Variants in UNC79 observed in about 807,000 individuals in gnomAD.
UNC79 encodes unc-79 subunit of NALCN channel complex.
UNC79 carries 37 observed loss-of-function variants against 283.1 expected under a neutral mutation model. The ratio of observed to expected loss-of-function variants is 0.13; its 90% confidence interval spans 0.10 to 0.17. The LOEUF (loss-of-function observed/expected upper bound fraction) is 0.17. UNC79 is among the 10% of genes least tolerant of loss of function. The pLI is 1.00. For missense variants in UNC79, 2,272 were observed against 3,211.1 expected (o/e 0.71, Z 7.07); for synonymous variants, 1,107 against 1,200.2 (o/e 0.92, Z 1.61).
intron 7 of UNC79, among the ~76,000 whole-genome samples, chr14:93,504,675 A>G (rs1453594345): frequency 6.6e-6 from 1 of 152,054 alleles, no homozygotes. Flanking sequence ...TGTAGATGCA[A>G]TTAATTTTTA....
intron 14 of UNC79, among the ~76,000 whole-genome samples, chr14:93,558,181 C>T (rs1041831048): frequency 1.3e-5 from 2 of 152,198 alleles, no homozygotes; most frequent in Non-Finnish European, 2.9e-5. Flanking sequence ...GACAGAACAA[C>T]GCAGAACAAC....
intron 38 of UNC79, among the ~76,000 whole-genome samples, chr14:93,658,570 C>T (rs1402671791): frequency 1.3e-5 from 2 of 152,122 alleles, no homozygotes; most frequent in African/African-American, 4.8e-5. Context: ...TTAAAAAGTA[C>T]ATTTTGATGT....
At chr14:93,394,366 A>C (rs1382873425) in intron 1 of UNC79, among the ~76,000 whole-genome samples, 2 of 136,072 alleles carry the variant, frequency 1.5e-5, no homozygotes, top group South Asian at 2.3e-4. Context: ...ATTTTATTTT[A>C]TTTTATTTTA....
chr14:93,689,145 A>G, intron 44 of UNC79: 1 of 391,630 alleles, frequency 2.6e-6, no homozygotes, highest in Non-Finnish European at 4.5e-6. Context: ...AAGTAAATTA[A>G]TAGGTATGTA....
At chr14:93,460,203 CAAAAA>C (rs749082123) in intron 1 of UNC79, among the ~76,000 whole-genome samples, 3 of 33,864 alleles carry the variant, frequency 8.9e-5, no homozygotes, top group East Asian at 9.7e-4. Context: ...GATTCCGTCT[CAAAAA>C]AAAAAAAAAA....
chr14:93,366,169 G>A (rs1027292066), intron 1 of UNC79, among the ~76,000 whole-genome samples: 1 of 152,330 alleles, frequency 6.6e-6, no homozygotes, highest in East Asian at 1.9e-4. Context: ...AACTAAAGAT[G>A]TGCAAGGCCT....
chr14:93,411,955 G>A (rs563287789), intron 1 of UNC79, among the ~76,000 whole-genome samples: 1 of 152,270 alleles, frequency 6.6e-6, no homozygotes, highest in Admixed American at 6.5e-5. Flanking sequence ...AAGGCACCAG[G>A]GACCAGTCCT....
chr14:93,346,977 G>T (rs544736874), intron 1 of UNC79, among the ~76,000 whole-genome samples: 1 of 151,808 alleles, frequency 6.6e-6, no homozygotes, highest in South Asian at 2.1e-4. Flanking sequence ...GAGCAGGGGT[G>T]TGCTGGGTGG....
At chr14:93,592,161 C>T (rs1192468714) in intron 22 of UNC79, among the ~76,000 whole-genome samples, 2 of 147,000 alleles carry the variant, frequency 1.4e-5, no homozygotes, top group African/African-American at 5.0e-5. Flanking sequence ...ACATTCATTA[C>T]ATAACTTTTC....
At position 93,667,155 on chromosome 14, in the gene UNC79, GGAA is replaced by G. The variant is rs1489955084; in HGVS notation, c.6636+4445_6636+4447del. Among the ~76,000 whole-genome samples, 10 of 150,002 alleles carry G rather than the reference GGAA, an allele frequency of 6.7e-5. No individual in the cohort carries two copies. The Admixed American group carries it at 6.7e-4, about 10-fold the overall frequency. ...AGGAAGGAGAGAGAGAAGAAGGAAAGGAAGAAAGGAAGGAATGAAGGAGAGGGA... is the reference window on the plus strand; with the variant it reads ...AGGAAGGAGAGAGAGAAGAAGGAAAGGAAAGGAAGGAATGAAGGAGAGGGA... On this transcript the variant is annotated intron_variant, in intron 40 of 48. Coordinates refer to ENST00000555664, the Ensembl canonical transcript of UNC79.
intron 14 of UNC79, among the ~76,000 whole-genome samples, chr14:93,558,071 C>A (rs2062280307): frequency 6.6e-6 from 1 of 152,140 alleles, no homozygotes; most frequent in Non-Finnish European, 1.5e-5. Flanking sequence ...TTTCAGGGAC[C>A]CATAGCGAAG....
chr14:93,505,240 A>G (rs1163266758), intron 7 of UNC79, among the ~76,000 whole-genome samples: 1 of 152,062 alleles, frequency 6.6e-6, no homozygotes, highest in East Asian at 1.9e-4. Flanking sequence ...TCTATCTGTT[A>G]CCAAGAGCAG....
At chr14:93,404,786 T>C (rs186586339) in intron 1 of UNC79, among the ~76,000 whole-genome samples, 2 of 151,528 alleles carry the variant, frequency 1.3e-5, no homozygotes, top group African/African-American at 4.8e-5. Flanking sequence ...AAAATAAAAT[T>C]TGGCTATTTG....
chr14:93,432,560 C>T (rs1208172636), intron 1 of UNC79, among the ~76,000 whole-genome samples: 1 of 152,116 alleles, frequency 6.6e-6, no homozygotes, highest in Non-Finnish European at 1.5e-5. Context: ...TTTAAATAGT[C>T]CATCTCCTCT....
chr14:93,569,636 T>C (rs2063104111), intron 14 of UNC79, among the ~76,000 whole-genome samples: 1 of 152,140 alleles, frequency 6.6e-6, no homozygotes, highest in Admixed American at 6.5e-5. Flanking sequence ...CTCCCAGCAG[T>C]GTTGAGCTTT....
intron 14 of UNC79, among the ~76,000 whole-genome samples, chr14:93,557,067 GAGA>G (rs1257814085): frequency 1.3e-5 from 2 of 152,210 alleles, no homozygotes; most frequent in East Asian, 1.9e-4. Context: ...CTCCATTACA[GAGA>G]AGGACATCCT....
intron 1 of UNC79, among the ~76,000 whole-genome samples, chr14:93,464,114 A>G (rs564635074): frequency 1.3e-5 from 2 of 152,266 alleles, no homozygotes; most frequent in South Asian, 4.1e-4. Context: ...GTGCCACTGC[A>G]CTCCAGCCTG....
intron 13 of UNC79, among the ~76,000 whole-genome samples, chr14:93,541,364 A>G (rs1202143356): frequency 6.6e-6 from 1 of 152,246 alleles, no homozygotes; most frequent in Non-Finnish European, 1.5e-5. Context: ...TCTATTCAGT[A>G]GAGATCAAAC....
Position 93,575,766 on chromosome 14 carries a change from T to G in UNC79, c.2211+568T>G, listed in dbSNP as rs72691101. ...ATTTTTCTATGGAGGCCTGATAGAGTCTCTGCTGATGTGCTGCTGTTCTCA... is the reference window on the plus strand; with the variant it reads ...ATTTTTCTATGGAGGCCTGATAGAGGCTCTGCTGATGTGCTGCTGTTCTCA... On this transcript the variant is annotated intron_variant, in intron 17 of 48. Transcript: ENST00000555664. Among the ~76,000 whole-genome samples the G allele has an allele frequency of 2.4e-3, 362 of 152,140 alleles. 1 individual carries two copies. The highest frequency in any genetic ancestry group is 4.3e-3 in the Non-Finnish European group (291 of 68,016).
Sources: gnomAD v4.1 joint callset for allele counts (sites outside exome capture counted in the v4.1 genomes callset) on GRCh38, gnomAD v4.1.1 for gene constraint, MANE v1.5 for transcripts, NCBI Gene and HGNC (gene_info 2026-07-23, HGNC 2026-07-21) for gene names.